Variants in WWOX observed in about 807,000 individuals in gnomAD.
The protein encoded by WWOX is WW domain-containing oxidoreductase.
Under a neutral mutation model 46.2 loss-of-function variants are expected in WWOX, and 69 were observed. That is an observed-to-expected ratio of 1.49 (90% confidence interval 1.23 to 1.82). WWOX has a LOEUF of 1.82. Ranked by LOEUF, WWOX falls within the 40% of genes most tolerant of loss-of-function variation. WWOX has a pLI of 0.00. For synonymous variants in WWOX, 359 were observed against 202.6 expected (o/e 1.77, Z -6.56); for missense variants, 919 against 542.6 (o/e 1.69, Z -6.89).
intron 8 of WWOX, among the ~76,000 whole-genome samples, chr16:79,146,049 C>CATAAATACCGGTAGAACTTGGA: frequency 6.6e-6 from 1 of 152,126 alleles, no homozygotes; most frequent in Non-Finnish European, 1.5e-5. Context: ...TCTTTGATAA[C>CATAAATACCGGTAGAACTTGGA]ATAAATACCG....
chr16:78,531,500 G>C (rs1462094428), intron 8 of WWOX, among the ~76,000 whole-genome samples: 1 of 152,092 alleles, frequency 6.6e-6, no homozygotes, highest in African/African-American at 2.4e-5. Flanking sequence ...TTTGCTACCA[G>C]TTCTTTTAGT....
intron 8 of WWOX, among the ~76,000 whole-genome samples, chr16:78,844,182 C>T (rs577026699): frequency 1.6e-4 from 24 of 152,272 alleles, no homozygotes; most frequent in African/African-American, 4.3e-4. Context: ...GATTCCCCAC[C>T]TCCATACCTT....
chr16:78,417,292 T>G (rs1006793498), intron 6 of WWOX, among the ~76,000 whole-genome samples: 3 of 152,100 alleles, frequency 2.0e-5, no homozygotes, highest in African/African-American at 4.8e-5. Flanking sequence ...GAGGTCTTGC[T>G]ATGTTGTCCA....
At chr16:78,753,825 AATATATATATATAT>A (rs1159243014) in intron 8 of WWOX, among the ~76,000 whole-genome samples, 35 of 21,344 alleles carry the variant, frequency 1.6e-3, no homozygotes, top group African/African-American at 3.2e-3. Context: ...AAAAAAAAAA[AATATATATATATAT>A]ATATATATAT....
chr16:78,890,481 C>G (rs1398789288), intron 8 of WWOX: 1 of 151,892 alleles, frequency 6.6e-6, no homozygotes, highest in East Asian at 1.9e-4. Flanking sequence ...GGCTTGTCCA[C>G]AAGTTGCTGT....
At chr16:78,342,498 C>A (rs80252097) in intron 5 of WWOX, among the ~76,000 whole-genome samples, 1 of 119,384 alleles carries the variant, frequency 8.4e-6, no homozygotes, top group African/African-American at 2.8e-5. Context: ...CATCAACATT[C>A]CACTGGCGAG....
chr16:78,605,311 C>G (rs933995861), intron 8 of WWOX, among the ~76,000 whole-genome samples: 1 of 151,582 alleles, frequency 6.6e-6, no homozygotes, highest in Non-Finnish European at 1.5e-5. Context: ...GTGTCTTGCT[C>G]AGGCATGTCT....
intron 8 of WWOX, among the ~76,000 whole-genome samples, chr16:78,838,736 G>A (rs1332249591): frequency 6.6e-6 from 1 of 152,112 alleles, no homozygotes; most frequent in East Asian, 1.9e-4. Flanking sequence ...CCAGCAACTC[G>A]GGAGGCTGAG....
At chr16:78,527,957 T>G (rs2043517707) in intron 8 of WWOX, among the ~76,000 whole-genome samples, 1 of 148,624 alleles carries the variant, frequency 6.7e-6, no homozygotes. Flanking sequence ...GTGCAAAGAT[T>G]CAAGGTGGCT....
Position 78,578,280 on chromosome 16 carries a change from A to ATTTTTTTT in WWOX, c.1056+145529_1056+145530insTTTTTTTT, listed in dbSNP as rs1433554555. ...TATATATATATATATATATATATAT[A>ATTTTTTTT]TATATTTTTTTTTTTTTTTTTTTTT... On this transcript the variant is annotated intron_variant, in intron 8 of 8. Coordinates refer to ENST00000566780, the MANE Select transcript of WWOX (RefSeq NM_016373.4). Among the ~76,000 whole-genome samples, 36 of 35,412 alleles carry ATTTTTTTT rather than the reference A, an allele frequency of 1.0e-3. 1 individual carries two copies. The highest frequency in any genetic ancestry group is 2.8e-3 in the African/African-American group (20 of 7,154). The allele number at this position is 35,412 out of a possible 152,430, so 23.2% of individuals were successfully genotyped here.
At chr16:79,160,552 C>T (rs1408650318) in intron 8 of WWOX, among the ~76,000 whole-genome samples, 4 of 152,174 alleles carry the variant, frequency 2.6e-5, no homozygotes, top group African/African-American at 9.7e-5. Context: ...CATATAAATT[C>T]TGAGGTGAAG....
intron 8 of WWOX, chr16:78,553,118 G>A (rs1377629565): frequency 1.3e-5 from 2 of 152,212 alleles, no homozygotes; most frequent in Non-Finnish European, 2.9e-5. Flanking sequence ...ACACACTGGG[G>A]CTTGTGAGGA....
chr16:78,621,847 T>G (rs963796731), intron 8 of WWOX, among the ~76,000 whole-genome samples: 1 of 152,022 alleles, frequency 6.6e-6, no homozygotes, highest in Admixed American at 6.6e-5. Flanking sequence ...CCTCATGATC[T>G]GCCTACCTTA....
chr16:78,840,082 A>G (rs2052097264), intron 8 of WWOX, among the ~76,000 whole-genome samples: 2 of 152,250 alleles, frequency 1.3e-5, no homozygotes, highest in African/African-American at 4.8e-5. Flanking sequence ...ACATGAGAAC[A>G]TGCTTTGCAC....
chr16:78,902,659 G>A (rs537849635), intron 8 of WWOX, among the ~76,000 whole-genome samples: 5 of 152,168 alleles, frequency 3.3e-5, no homozygotes, highest in Non-Finnish European at 7.3e-5. Context: ...CCATTAGGCC[G>A]GCTCTGCAGG....
intron 8 of WWOX, among the ~76,000 whole-genome samples, chr16:79,025,952 C>G (rs77962076): frequency 1.3e-5 from 2 of 148,766 alleles, no homozygotes; most frequent in Non-Finnish European, 2.9e-5. Flanking sequence ...GTGCCTATCA[C>G]CACGCCGAGC....
chr16:78,676,251 C>T lies in WWOX; in HGVS notation c.1056+243499C>T, dbSNP rs59957713. Among the ~76,000 whole-genome samples, 480 of 151,790 alleles carry T rather than the reference C, an allele frequency of 3.2e-3. 2 individuals carry two copies. The highest frequency in any genetic ancestry group is 0.011 in the African/African-American group (460 of 41,424). On this transcript the variant is annotated intron_variant, in intron 8 of 8. Coordinates refer to ENST00000566780, the MANE Select transcript of WWOX (RefSeq NM_016373.4). ...GAAGCGGGATGCTCTCTACAGAGTC[C>T]GAAACAAAACACAGAAAATTAACCT...
intron 8 of WWOX, among the ~76,000 whole-genome samples, chr16:79,139,034 C>A (rs944226681): frequency 6.6e-6 from 1 of 152,084 alleles, no homozygotes; most frequent in Non-Finnish European, 1.5e-5. Context: ...CAGAAACTGC[C>A]CTGAACGAAG....
chr16:78,952,342 C>T (rs2046077562), intron 8 of WWOX, among the ~76,000 whole-genome samples: 1 of 151,862 alleles, frequency 6.6e-6, no homozygotes, highest in Non-Finnish European at 1.5e-5. Context: ...GGCAGCAATG[C>T]ACTGAGCTGC....
Sources: gnomAD v4.1 joint callset for allele counts (sites outside exome capture counted in the v4.1 genomes callset) on GRCh38, gnomAD v4.1.1 for gene constraint, MANE v1.5 for transcripts, NCBI Gene and HGNC (gene_info 2026-07-23, HGNC 2026-07-21) for gene names.